The following STXBP5 variants were observed in gnomAD, a reference collection of about 807,000 sequenced individuals.
STXBP5 encodes syntaxin binding protein 5.
A neutral mutation model predicts 152.4 loss-of-function variants in STXBP5; 50 were observed. The observed-to-expected ratio is 0.33, with a 90% confidence interval of 0.26 to 0.42. The LOEUF (loss-of-function observed/expected upper bound fraction) is 0.42. Ranked by LOEUF, STXBP5 falls within the 10% of genes least tolerant of loss-of-function variation. STXBP5 has a pLI of 1.00. For synonymous variants in STXBP5, 492 were observed against 494.7 expected (o/e 0.99, Z 0.07); for missense variants, 1,167 against 1,388.6 (o/e 0.84, Z 2.54).
intron 19 of STXBP5, among the ~76,000 whole-genome samples, chr6:147,337,277 G>A (rs918011953): frequency 1.8e-4 from 27 of 148,582 alleles, no homozygotes; most frequent in Non-Finnish European, 3.3e-4. Context: ...GAAAACCCAG[G>A]GCCACACATA....
chr6:147,255,319 TA>T, intron 4 of STXBP5, among the ~76,000 whole-genome samples: 2 of 152,166 alleles, frequency 1.3e-5, no homozygotes, highest in South Asian at 4.1e-4. Flanking sequence ...GGTGAGAGGC[TA>T]GGGGAGGGAT....
At chr6:147,211,631 C>A (rs1419505489) in intron 2 of STXBP5, among the ~76,000 whole-genome samples, 1 of 152,122 alleles carries the variant, frequency 6.6e-6, no homozygotes, top group Non-Finnish European at 1.5e-5. Flanking sequence ...TACTCTGTTA[C>A]CCTGGCATGC....
In STXBP5 at chr6:147,390,207, G is replaced by A. The variant is rs1786526735; in HGVS notation, c.*5452G>A. On this transcript the variant is annotated 3_prime_UTR_variant, in exon 28 of 28. Coordinates refer to ENST00000321680, the MANE Select transcript of STXBP5 (RefSeq NM_001127715.4). The stretch of plus-strand genomic sequence containing the variant: ...TGTATTGTTTCATCTAAAAAGAAAA[G>A]CACTATTGGAAACACTAAAAACGTG... The A allele has an allele frequency of 6.6e-6, 1 of 151,874 alleles. No homozygotes were observed. Among genetic ancestry groups the A allele is most frequent in the Non-Finnish European group, 1.5e-5 (1 of 67,924 alleles). The allele number at this position is 151,874 out of a possible 1,614,324, so 9.4% of individuals were successfully genotyped here. A position where few individuals can be genotyped will look rare whatever the true frequency, so the allele number is the denominator to read the frequency against.
chr6:147,329,025 A>C (rs1424825996), intron 18 of STXBP5, among the ~76,000 whole-genome samples: 1 of 152,046 alleles, frequency 6.6e-6, no homozygotes, highest in Non-Finnish European at 1.5e-5. Flanking sequence ...ATGATAGAGA[A>C]GAAATATTTT....
At chr6:147,333,097 G>C (rs536143342) in intron 18 of STXBP5, among the ~76,000 whole-genome samples, 23 of 152,174 alleles carry the variant, frequency 1.5e-4, no homozygotes, top group Admixed American at 4.6e-4. Context: ...TATCAATAAA[G>C]AGTACATGTA....
At position 147,273,733 on chromosome 6, in the gene STXBP5, C is replaced by T. The variant is rs761465520; in HGVS notation, c.715-4348C>T. ...TTGGGAGGCCAAGGTGGGCAGATCA[C>T]GAGGTCAGGAGATCGAGACCATCCT... On this transcript the variant is annotated intron_variant, in intron 7 of 27. Coordinates refer to ENST00000321680, the MANE Select transcript of STXBP5 (RefSeq NM_001127715.4). Among the ~76,000 whole-genome samples, 45 of 152,170 alleles carry T rather than the reference C, an allele frequency of 3.0e-4. 2 individuals carry two copies. The Middle Eastern group carries it at 0.021, about 69-fold the overall frequency.
At chr6:147,212,397 T>A (rs1175007323) in intron 2 of STXBP5, among the ~76,000 whole-genome samples, 1 of 152,216 alleles carries the variant, frequency 6.6e-6, no homozygotes, top group Non-Finnish European at 1.5e-5. Flanking sequence ...AAGGAAAAAG[T>A]AAAGGCATTT....
intron 21 of STXBP5, among the ~76,000 whole-genome samples, chr6:147,344,201 A>C (rs2128400629): frequency 6.6e-6 from 1 of 152,292 alleles, no homozygotes; most frequent in East Asian, 1.9e-4. Flanking sequence ...TGTGCTGGAA[A>C]GTCTGTGTTT....
chr6:147,334,118 A>G (rs1416277072), intron 18 of STXBP5, 39 bp from the exon 19 acceptor site: 4 of 1,593,728 alleles, frequency 2.5e-6, no homozygotes, highest in Non-Finnish European at 3.4e-6. Flanking sequence ...CACTTACATA[A>G]ATGTATGGGT....
intron 18 of STXBP5, among the ~76,000 whole-genome samples, chr6:147,327,786 A>G (rs764160501): frequency 6.6e-6 from 1 of 152,180 alleles, no homozygotes. Context: ...ACATTGAGAA[A>G]GAACCACGGG....
intron 2 of STXBP5, among the ~76,000 whole-genome samples, chr6:147,216,504 A>G (rs979957310): frequency 1.3e-5 from 2 of 152,178 alleles, no homozygotes; most frequent in Non-Finnish European, 1.5e-5. Context: ...GAAAGAACAT[A>G]TATGGTAATT....
intron 2 of STXBP5, among the ~76,000 whole-genome samples, chr6:147,230,716 A>C (rs1301282775): frequency 5.9e-5 from 9 of 151,434 alleles, no homozygotes; most frequent in Non-Finnish European, 4.4e-5. Flanking sequence ...AAGGGTTGGT[A>C]ATTTATACTG....
intron 25 of STXBP5, among the ~76,000 whole-genome samples, chr6:147,368,139 T>C (rs1785378927): frequency 6.6e-6 from 1 of 152,158 alleles, no homozygotes; most frequent in African/African-American, 2.4e-5. Context: ...TTAGGATTGC[T>C]TCCCAGCTTA....
In STXBP5 at chr6:147,384,904, A is replaced by G; in HGVS notation, c.*149A>G. On this transcript the variant is annotated 3_prime_UTR_variant, in exon 28 of 28. Transcript: ENST00000321680. ...AGTCATGCACTGTTTTACCTCAGTC[A>G]TGTGGCTTTAACTGAGGAGTGTTCA... 1.3e-6 allele frequency: 1 copy of G among 788,602 alleles called. No individual in the cohort carries two copies. Among genetic ancestry groups the G allele is most frequent in the Non-Finnish European group, 2.1e-6 (1 of 476,966 alleles). 48.9% of individuals were successfully genotyped at this position (788,602 alleles called of 1,614,324 possible).
At chr6:147,349,540 T>A (rs1467521005) in intron 21 of STXBP5, among the ~76,000 whole-genome samples, 1 of 152,190 alleles carries the variant, frequency 6.6e-6, no homozygotes, top group Non-Finnish European at 1.5e-5. Context: ...TTGGGGAACA[T>A]CTTGTTTCGT....
chr6:147,227,932 C>G, intron 2 of STXBP5, among the ~76,000 whole-genome samples: 1 of 152,086 alleles, frequency 6.6e-6, no homozygotes, highest in East Asian at 1.9e-4. Flanking sequence ...CTGCTGTCAT[C>G]TCATGCTTAA....
intron 9 of STXBP5, among the ~76,000 whole-genome samples, chr6:147,300,744 C>T (rs1306221064): frequency 6.6e-6 from 1 of 151,744 alleles, no homozygotes; most frequent in Non-Finnish European, 1.5e-5. Flanking sequence ...TGGGACTGGG[C>T]AAAGATTTTT....
intron 2 of STXBP5, among the ~76,000 whole-genome samples, chr6:147,214,595 C>G (rs1457136627): frequency 1.3e-5 from 2 of 152,110 alleles, no homozygotes; most frequent in African/African-American, 4.8e-5. Context: ...TGATTCCATC[C>G]CAACTTCCAT....
At chr6:147,344,863 G>A (rs985955842) in intron 21 of STXBP5, among the ~76,000 whole-genome samples, 3 of 152,170 alleles carry the variant, frequency 2.0e-5, no homozygotes, top group Admixed American at 6.5e-5. Context: ...ATGTTGCAAA[G>A]AGTTTAATTA....
Sources: gnomAD v4.1 joint callset for allele counts (sites outside exome capture counted in the v4.1 genomes callset) on GRCh38, gnomAD v4.1.1 for gene constraint, MANE v1.5 for transcripts, NCBI Gene and HGNC (gene_info 2026-07-23, HGNC 2026-07-21) for gene names.